Variants in RUVBL2 observed in about 807,000 individuals in gnomAD.
RUVBL2 encodes ruvB-like 2.
In RUVBL2, 9 loss-of-function variants were observed where a neutral mutation model predicts 57.9. The observed-to-expected ratio is 0.16, with a 90% confidence interval of 0.09 to 0.27. The LOEUF (loss-of-function observed/expected upper bound fraction) is 0.27. RUVBL2 is among the 10% of genes least tolerant of loss of function. RUVBL2 has a pLI of 1.00. For missense variants in RUVBL2, 456 were observed against 669.6 expected, an observed-to-expected ratio of 0.68 and a Z score of 3.52; for synonymous variants, 278 against 264.6, an observed-to-expected ratio of 1.05 and a Z score of -0.49.
At position 49,007,050 on chromosome 19, in the gene RUVBL2, T is replaced by C; in HGVS notation, c.298T>C (p.Phe100Leu). The C allele has an allele frequency of 6.2e-7, 1 of 1,613,146 alleles. No individual in the cohort carries two copies. The highest frequency in any genetic ancestry group is 8.5e-7 in the Non-Finnish European group (1 of 1,180,024). Residue 100 changes from phenylalanine (F) to leucine (L), a missense_variant, in exon 5 of 15, where the codon TTC (phenylalanine) becomes CTC (leucine). Coordinates refer to ENST00000595090, the MANE Select transcript of RUVBL2 (RefSeq NM_006666.3). Reference sequence around the variant, plus strand: ...GCAGGCCCTGGGCCCTGACACGCCATTCACAGCCATCGCCGGCAGTGAAAT... The same window carrying C: ...GCAGGCCCTGGGCCCTGACACGCCACTCACAGCCATCGCCGGCAGTGAAAT... ...MAQALGPDTP[F>L]TAIAGSEIFS...
chr19:49,004,499 G>T (rs1017822491), intron 4 of RUVBL2, 81 bp downstream of exon 4: 2 of 1,379,798 alleles, frequency 1.4e-6, no homozygotes, highest in African/African-American at 2.9e-5. Flanking sequence ...AGGATGAGCC[G>T]CCTTTAACAG....
At position 49,009,811 on chromosome 19, in the gene RUVBL2, A is replaced by G. The variant is rs2122634488; in HGVS notation, c.498A>G (p.Thr166=). The G allele has an allele frequency of 2.5e-6, 4 of 1,614,048 alleles. No homozygotes were observed. In the African/African-American group the frequency reaches 4.0e-5, roughly 16 times the overall value. ...SKVGKLTLKT[T]EMETIYDLGT... is the part of the protein sequence containing the mutation. The stretch of plus-strand genomic sequence containing the variant: ...TGGGCAAACTGACCCTCAAGACCAC[A>G]GAGATGGAGACCATCTACGACCTGG... Residue 166 remains threonine, a synonymous_variant, in exon 7 of 15, where the codon ACA becomes ACG. Coordinates refer to ENST00000595090, the MANE Select transcript of RUVBL2 (RefSeq NM_006666.3).
At position 49,011,307 on chromosome 19, in the gene RUVBL2, C is replaced by T; in HGVS notation, c.998C>T (p.Thr333Met). Residue 333 changes from threonine (T) to methionine (M), a missense_variant, in exon 11 of 15, where the codon ACG (threonine) becomes ATG (methionine). Transcript: ENST00000595090. This position sits in a 1 kb window ranked among gnomAD's most constrained non-coding sequence, Gnocchi z 4.4. ...ATCATGGCCACCAACCGTGGCATCA[C>T]GCGGTGAGCCGGCTACAGGGGCCTC... The part of the protein sequence containing the change: ...VLIMATNRGI[T>M]RIRGTSYQSP... 1 of 1,612,930 alleles carries T rather than the reference C, an allele frequency of 6.2e-7. No individual in the cohort carries two copies. The highest frequency in any genetic ancestry group is 8.5e-7 in the Non-Finnish European group (1 of 1,179,284).
intron 6 of RUVBL2, among the ~76,000 whole-genome samples, chr19:49,008,140 G>C (rs77078012): frequency 0.086 from 12,958 of 150,070 alleles, 581 homozygotes; most frequent in Middle Eastern, 0.11. Flanking sequence ...TGTGACATTT[G>C]GCAATTTTGC....
chr19:49,010,725 T>C, intron 9 of RUVBL2, 114 bp downstream of exon 9: 1 of 1,453,612 alleles, frequency 6.9e-7, no homozygotes, highest in South Asian at 1.3e-5. Context: ...CGCTGTTTCC[T>C]GTAACTCCGG....
chr19:49,009,747 C>T lies in RUVBL2; in HGVS notation c.463-29C>T, dbSNP rs115058775. The T allele has an allele frequency of 2.2e-3, 3,564 of 1,595,370 alleles. 68 individuals are homozygous for T. The African/African-American group carries it at 0.042, about 19-fold the overall frequency. On this transcript the variant is annotated intron_variant, in intron 6 of 14. Transcript: ENST00000595090. The stretch of plus-strand genomic sequence containing the variant: ...GGGCAACATCAGGGCCCTCTCTGAG[C>T]CCCATCCCTGGCTTGTCCCCACTCT...
intron 1 of RUVBL2, among the ~76,000 whole-genome samples, chr19:48,998,252 A>G (rs939084244): frequency 3.3e-5 from 5 of 152,196 alleles, no homozygotes; most frequent in South Asian, 2.1e-4. Flanking sequence ...GTCTGGACTC[A>G]GGGGCCAGCA....
chr19:48,996,764 T>C (rs1368271916), intron 1 of RUVBL2, among the ~76,000 whole-genome samples: 1 of 152,244 alleles, frequency 6.6e-6, no homozygotes, highest in East Asian at 1.9e-4. Flanking sequence ...TGACCTCAAG[T>C]GATCCACCTG....
At chr19:49,007,830 G>T (rs143404642) in intron 6 of RUVBL2, among the ~76,000 whole-genome samples, 1 of 151,794 alleles carries the variant, frequency 6.6e-6, no homozygotes, top group Non-Finnish European at 1.5e-5. Context: ...TCAGCCTTCC[G>T]AGTAGCTGAG....
chr19:48,995,829 CA>C (rs879615420), intron 1 of RUVBL2, among the ~76,000 whole-genome samples: 28 of 151,018 alleles, frequency 1.9e-4, no homozygotes, highest in Non-Finnish European at 4.1e-4. Context: ...ATTAAAAATA[CA>C]AAAAAAATTA....
chr19:49,002,856 A>C (rs1442877572), intron 2 of RUVBL2, among the ~76,000 whole-genome samples: 1 of 151,966 alleles, frequency 6.6e-6, no homozygotes, highest in Non-Finnish European at 1.5e-5. Context: ...AAGTGCTGGG[A>C]TTATAGGCAG....
At chr19:49,007,217 G>C in intron 5 of RUVBL2, 70 bp downstream of exon 5, 1 of 1,607,906 alleles carries the variant, frequency 6.2e-7, no homozygotes, top group Non-Finnish European at 8.5e-7. Context: ...CGGGCGGCTC[G>C]TCCTTTGTCC....
chr19:49,003,243 C>T, intron 2 of RUVBL2, 36 bp from the exon 3 acceptor site: 1 of 1,531,320 alleles, frequency 6.5e-7, no homozygotes, highest in South Asian at 1.1e-5. Context: ...AGCAAGCTGG[C>T]TAGTAACTGA....
At chr19:49,006,749 G>A (rs774410910) in intron 4 of RUVBL2, among the ~76,000 whole-genome samples, 3 of 152,254 alleles carry the variant, frequency 2.0e-5, no homozygotes, top group Admixed American at 1.3e-4. Flanking sequence ...GTTCTAGGGT[G>A]TACCCTCTGG....
chr19:49,012,275 G>A (rs2039444667), intron 11 of RUVBL2, among the ~76,000 whole-genome samples: 1 of 152,160 alleles, frequency 6.6e-6, no homozygotes, highest in Admixed American at 6.5e-5. Context: ...CTGGCTCTGT[G>A]TTTGGCTCTT....
intron 4 of RUVBL2, 69 bp from the exon 5 acceptor site, chr19:49,006,949 T>G (rs1221366953): frequency 3.2e-6 from 5 of 1,580,294 alleles, no homozygotes; most frequent in Middle Eastern, 1.7e-4. Flanking sequence ...AAAGCTAGTT[T>G]GCCACAGAGC....
chr19:49,006,762 A>G (rs987268537), intron 4 of RUVBL2, among the ~76,000 whole-genome samples: 2 of 152,206 alleles, frequency 1.3e-5, no homozygotes, highest in Non-Finnish European at 2.9e-5. Flanking sequence ...CCCTCTGGGC[A>G]ATGTGGGATT....
chr19:49,012,177 C>A (rs1389058063), intron 11 of RUVBL2, among the ~76,000 whole-genome samples: 1 of 152,146 alleles, frequency 6.6e-6, no homozygotes, highest in African/African-American at 2.4e-5. Flanking sequence ...GCCCTGCAGC[C>A]TTGGGCCCAG....
In RUVBL2 at chr19:49,011,146, G is replaced by A. The variant is rs2039418569; in HGVS notation, c.883-46G>A. ...GGTGGTGGGGTGGAGGTGGGCCGGGGAAGTGGGGACGCGGGTGGTGACTCT... is the reference window on the plus strand; with the variant it reads ...GGTGGTGGGGTGGAGGTGGGCCGGGAAAGTGGGGACGCGGGTGGTGACTCT... On this transcript the variant is annotated intron_variant, in intron 10 of 14. Transcript: ENST00000595090. This position sits in a 1 kb window ranked among gnomAD's most constrained non-coding sequence, Gnocchi z 4.4. 18 of 1,608,316 alleles carry A rather than the reference G, an allele frequency of 1.1e-5. No homozygotes were observed. Among genetic ancestry groups the A allele is most frequent in the Non-Finnish European group, 1.4e-5 (17 of 1,175,914 alleles).
Sources: allele counts gnomAD v4.1 joint callset (sites outside exome capture counted in the v4.1 genomes callset), GRCh38; gene constraint gnomAD v4.1.1; non-coding constraint Gnocchi (gnomAD v3.1); transcripts MANE v1.5; gene names NCBI Gene and HGNC (gene_info 2026-07-23, HGNC 2026-07-21).